Variants in DTX2 observed in about 807,000 individuals in gnomAD.
DTX2 encodes deltex E3 ubiquitin ligase 2, also known as probable E3 ubiquitin-protein ligase DTX2.
DTX2 carries 29 observed loss-of-function variants against 55.3 expected under a neutral mutation model. The ratio of observed to expected loss-of-function variants is 0.52; its 90% confidence interval spans 0.39 to 0.71. The LOEUF (loss-of-function observed/expected upper bound fraction) is 0.71, where lower values mean the gene tolerates loss of function less well. DTX2 is among the 30% of genes least tolerant of loss of function. The probability of loss-of-function intolerance (pLI) is 0.00; values close to 1 mark genes in which losing one functional copy is unlikely to be tolerated. For missense variants in DTX2, 537 were observed against 822.5 expected (o/e 0.65, Z 4.25); for synonymous variants, 276 against 340.4 (o/e 0.81, Z 2.08).
At chr7:76,464,756 A>G (rs576257603) in intron 2 of DTX2, among the ~76,000 whole-genome samples, 64 of 150,788 alleles carry the variant, frequency 4.2e-4, no homozygotes, top group Non-Finnish European at 7.6e-4. Flanking sequence ...AGACTGGATT[A>G]TTCGCTTTGT....
chr7:76,503,653 A>C (rs1762531814), intron 9 of DTX2, 66 bp downstream of exon 9: 1 of 1,378,232 alleles, frequency 7.3e-7, no homozygotes, highest in African/African-American at 1.4e-5. Flanking sequence ...ACATCCCAGC[A>C]GTCTGCCCCT....
In DTX2 at chr7:76,480,749, C is replaced by T. The variant is rs760293276; in HGVS notation, c.240C>T (p.Pro80=). ...TGGCCCCTTACATTATTGACCTCCC[C>T]AGCTGGACCCAGTTCCGCCAGGACA... ...PSLAPYIIDL[P]SWTQFRQDTG... Residue 80 remains proline (P), a synonymous_variant, in exon 3 of 11, where the codon CCC becomes CCT. Coordinates refer to ENST00000430490, the MANE Select transcript of DTX2 (RefSeq NM_001102594.3). 7.5e-6 allele frequency: 12 copies of T among 1,609,290 alleles called. No homozygotes were observed. Among genetic ancestry groups the T allele is most frequent in the South Asian group, 4.4e-5 (4 of 90,810 alleles).
rs2116592267 is a variant in DTX2, at chr7:76,500,517, T to C, written c.1227T>C (p.Asp409=). The change falls in exon 7 of 11, where the codon GAT becomes GAC. Residue 409 remains aspartate (D), a synonymous_variant. Coordinates refer to ENST00000430490, the MANE Select transcript of DTX2 (RefSeq NM_001102594.3). ...CGGAAGAGCTGAAAGTGCCCCCAGA[T>C]GAGGTTTGTGTCTTGGGACCTTGGC... ...NYTEELKVPP[D]EDCIICMEKL... The C allele has an allele frequency of 1.4e-6, 1 of 694,332 alleles. No individual in the cohort carries two copies. The highest frequency in any genetic ancestry group is 2.2e-5 in the African/African-American group (1 of 45,732). 43.0% of individuals were successfully genotyped at this position (694,332 alleles called of 1,614,324 possible). A position where few individuals can be genotyped will look rare whatever the true frequency, so the allele number is the denominator to read the frequency against.
intron 2 of DTX2, among the ~76,000 whole-genome samples, chr7:76,469,506 C>T (rs1239584718): frequency 2.0e-5 from 3 of 149,356 alleles, no homozygotes; most frequent in African/African-American, 7.5e-5. Context: ...AATTCTCCTG[C>T]CTCAGCCTCC....
rs1563757686 is a variant in DTX2 at position 76,502,465 on chromosome 7, AC to A, written c.1389+10del. ...ACTGCAACGGCAATAAGGTGCCCCCACTGGCCCAGGGCGGAGGCGGGTGGCC... is the reference window on the plus strand; with the variant it reads ...ACTGCAACGGCAATAAGGTGCCCCCATGGCCCAGGGCGGAGGCGGGTGGCC... On this transcript the variant is annotated intron_variant, in intron 8 of 10. Transcript: ENST00000430490. 4.3e-6 allele frequency: 7 copies of A among 1,610,276 alleles called. No individual in the cohort carries two copies. Among genetic ancestry groups the A allele is most frequent in the Non-Finnish European group, 5.9e-6 (7 of 1,179,194 alleles).
chr7:76,482,530 A>G lies in DTX2; in HGVS notation c.291A>G (p.Arg97=). The G allele has an allele frequency of 6.2e-7, 1 of 1,606,004 alleles. No individual in the cohort carries two copies. The highest frequency in any genetic ancestry group is 1.3e-5 in the African/African-American group (1 of 74,778). The change falls in exon 4 of 11, where the codon AGA becomes AGG. Residue 97 remains arginine, a synonymous_variant. Coordinates refer to ENST00000430490, the MANE Select transcript of DTX2 (RefSeq NM_001102594.3). ...TAGGCACCATGCGGGCTGTGCGGAG[A>G]CACCTGTTCCCCCAGCACTCAGCCC... The part of the protein sequence containing the change: ...QDTGTMRAVR[R]HLFPQHSAPG...
chr7:76,464,369 G>C (rs200915063), intron 2 of DTX2, among the ~76,000 whole-genome samples: 24,910 of 135,522 alleles, frequency 0.18, 2 homozygotes, highest in Non-Finnish European at 0.25. Context: ...GAGCGAGGAG[G>C]GTTATGTGGG....
intron 2 of DTX2, among the ~76,000 whole-genome samples, chr7:76,467,950 G>T (rs1807357204): frequency 6.6e-6 from 1 of 152,298 alleles, no homozygotes. Flanking sequence ...AGGTCCAGAT[G>T]GCAGGAGCTG....
At chr7:76,476,451 T>C (rs1476320232) in intron 2 of DTX2, among the ~76,000 whole-genome samples, 1 of 151,940 alleles carries the variant, frequency 6.6e-6, no homozygotes, top group East Asian at 1.9e-4. Context: ...CTCTGGGATA[T>C]TGGGCACCTG....
At chr7:76,481,629 G>T (rs1809227061) in intron 3 of DTX2, among the ~76,000 whole-genome samples, 1 of 151,922 alleles carries the variant, frequency 6.6e-6, no homozygotes, top group African/African-American at 2.4e-5. Context: ...ATTGTTGGTT[G>T]TTACAGCTGA....
intron 4 of DTX2, among the ~76,000 whole-genome samples, chr7:76,483,694 T>C (rs1809582752): frequency 6.6e-6 from 1 of 150,796 alleles, no homozygotes; most frequent in Non-Finnish European, 1.5e-5. Flanking sequence ...GGTAGAGCGC[T>C]CAGCTCCTTG....
chr7:76,468,043 A>C (rs1324488763), intron 2 of DTX2, among the ~76,000 whole-genome samples: 1 of 152,286 alleles, frequency 6.6e-6, no homozygotes, highest in East Asian at 1.9e-4. Context: ...CCATGGGAAC[A>C]GATCCTGAGG....
intron 6 of DTX2, among the ~76,000 whole-genome samples, chr7:76,498,898 G>GT (rs1811277625): frequency 1.4e-5 from 1 of 71,554 alleles, no homozygotes. Context: ...GGTGTATGGA[G>GT]GTGTGGAGTG....
intron 2 of DTX2, chr7:76,474,788 G>T (rs964094484): frequency 6.6e-6 from 1 of 151,898 alleles, no homozygotes; most frequent in Non-Finnish European, 1.5e-5. Context: ...TGCAGATCTT[G>T]TTCTAAAGCT....
intron 3 of DTX2, 146 bp from the exon 4 acceptor site, chr7:76,482,362 A>T (rs1356664391): frequency 9.5e-7 from 1 of 1,055,972 alleles, no homozygotes; most frequent in Admixed American, 2.4e-5. Context: ...CCTGCCTCTA[A>T]CAATAAATAA....
In DTX2 at chr7:76,480,434, G is replaced by A. The variant is rs1211146012; in HGVS notation, c.-76G>A. On this transcript the variant is annotated 5_prime_UTR_variant, in exon 3 of 11. Coordinates refer to ENST00000430490, the MANE Select transcript of DTX2 (RefSeq NM_001102594.3). The stretch of plus-strand genomic sequence containing the variant: ...TCCTGTTCACAGATCTGCCGGAGGC[G>A]CTGGGCAATGACCCCGGGACTCCAG... 19 of 1,427,174 alleles carry A rather than the reference G, an allele frequency of 1.3e-5. No individual in the cohort carries two copies. The highest frequency in any genetic ancestry group is 2.9e-5 in the South Asian group (2 of 69,906). The allele number at this position is 1,427,174 out of a possible 1,614,324, so 88.4% of individuals were successfully genotyped here. A position where few individuals can be genotyped will look rare whatever the true frequency, so the allele number is the denominator to read the frequency against.
chr7:76,472,570 GC>G (rs950244354), intron 2 of DTX2, among the ~76,000 whole-genome samples: 1 of 146,806 alleles, frequency 6.8e-6, no homozygotes, highest in African/African-American at 2.6e-5. Context: ...CAGATGATCC[GC>G]CCCCCTCAGC....
intron 6 of DTX2, among the ~76,000 whole-genome samples, chr7:76,498,093 G>A (rs1330193057): frequency 6.6e-6 from 1 of 152,238 alleles, no homozygotes; most frequent in Non-Finnish European, 1.5e-5. Context: ...CCTGGGCTGT[G>A]GAAGTGTGGA....
chr7:76,474,096 T>C (rs1184719929), intron 2 of DTX2, among the ~76,000 whole-genome samples: 2 of 151,438 alleles, frequency 1.3e-5, no homozygotes, highest in Non-Finnish European at 2.9e-5. Context: ...AAATTTTGTA[T>C]TTTTAGTAGA....
Sources: allele counts gnomAD v4.1 joint callset (sites outside exome capture counted in the v4.1 genomes callset), GRCh38; gene constraint gnomAD v4.1.1; transcripts MANE v1.5; gene names NCBI Gene and HGNC (gene_info 2026-07-23, HGNC 2026-07-21).